The following ZFPM1 variants were observed in gnomAD, a reference collection of about 807,000 sequenced individuals.
The protein encoded by ZFPM1 is zinc finger protein, FOG family member 1, also known as zinc finger protein ZFPM1.
In ZFPM1, 28 loss-of-function variants were observed where a neutral mutation model predicts 46.3. That is an observed-to-expected ratio of 0.60 (90% CI 0.45 to 0.83). The LOEUF (loss-of-function observed/expected upper bound fraction) is 0.83, where lower values mean the gene tolerates loss of function less well. Among genes scored for constraint, ZFPM1 ranks in the 40% least tolerant of loss-of-function variants. ZFPM1 has a pLI of 0.00. For missense variants in ZFPM1, 1,878 were observed against 1,432.4 expected (o/e 1.31, Z -5.02); for synonymous variants, 957 against 675.9 (o/e 1.42, Z -6.45).
Position 88,534,312 on chromosome 16 carries a change from G to C in ZFPM1, c.2354G>C (p.Arg785Pro). Residue 785 changes from arginine (R) to proline (P), a missense_variant, in exon 10 of 10, where the codon CGC (arginine) becomes CCC (proline). Coordinates refer to ENST00000319555, the MANE Select transcript of ZFPM1 (RefSeq NM_153813.3). ...SGSGPGLAPA[R>P]SPGPAADGPI... is the part of the protein sequence containing the mutation. The stretch of plus-strand genomic sequence containing the variant: ...AGCGGCCCCGGCCTCGCCCCTGCGC[G>C]CTCGCCCGGCCCCGCGGCCGACGGC... 1 of 1,309,050 alleles carries C rather than the reference G, an allele frequency of 7.6e-7. No homozygotes were observed. The highest frequency in any genetic ancestry group is 9.7e-7 in the Non-Finnish European group (1 of 1,030,462). The allele number at this position is 1,309,050 out of a possible 1,614,324, so 81.1% of individuals were successfully genotyped here.
At position 88,532,165 on chromosome 16, in the gene ZFPM1, C is replaced by T. The variant is rs1424808978; in HGVS notation, c.876C>T (p.Cys292=). The change falls in exon 7 of 10, where the codon TGC becomes TGT. Residue 292 remains cysteine, a synonymous_variant. Transcript: ENST00000319555. ...PKETYPNERV[C]PFPQCRKSCP... The stretch of plus-strand genomic sequence containing the variant: ...AGACCTACCCCAACGAGCGCGTCTG[C>T]CCCTTCCCCCAGTGCCGCAAGAGCT... 2.5e-6 allele frequency: 4 copies of T among 1,612,244 alleles called. No individual in the cohort carries two copies. In the South Asian group the frequency reaches 3.3e-5, roughly 13 times the overall value.
At chr16:88,517,895 G>A (rs1401883424) in intron 4 of ZFPM1, among the ~76,000 whole-genome samples, 1 of 151,974 alleles carries the variant, frequency 6.6e-6, no homozygotes, top group Non-Finnish European at 1.5e-5. Flanking sequence ...ATAGATGAAT[G>A]GATGGATAGG....
rs149231883 is a variant in ZFPM1, at chr16:88,487,866, C to T, written c.146-1165C>T. On this transcript the variant is annotated intron_variant, in intron 2 of 9. Coordinates refer to ENST00000319555, the MANE Select transcript of ZFPM1 (RefSeq NM_153813.3). The stretch of plus-strand genomic sequence containing the variant: ...ACCCAGGGACATCCCAGCCCCAGGA[C>T]GGCCAGGCCAGGTGCAGGCGTCCAG... Among the ~76,000 whole-genome samples the T allele has an allele frequency of 1.0e-3, 159 of 152,314 alleles. 1 individual carries two copies. Among genetic ancestry groups the T allele is most frequent in the African/African-American group, 3.7e-3 (152 of 41,568 alleles).
intron 1 of ZFPM1, among the ~76,000 whole-genome samples, chr16:88,460,000 C>T (rs1329274127): frequency 6.6e-6 from 1 of 151,634 alleles, no homozygotes; most frequent in Non-Finnish European, 1.5e-5. Context: ...CAGGTCAGGG[C>T]AGCCCCTGAC....
At chr16:88,524,137 C>G (rs1912127868) in intron 4 of ZFPM1, among the ~76,000 whole-genome samples, 1 of 152,184 alleles carries the variant, frequency 6.6e-6, no homozygotes, top group African/African-American at 2.4e-5. Flanking sequence ...ACCGCAGCAC[C>G]CATCGGAGGA....
chr16:88,532,182 G>A lies in ZFPM1; in HGVS notation c.893G>A (p.Arg298His), dbSNP rs151065815. The A allele has an allele frequency of 3.8e-5, 61 of 1,611,002 alleles. No individual in the cohort carries two copies. The highest frequency in any genetic ancestry group is 2.7e-5 in the Non-Finnish European group (32 of 1,178,746). The part of the protein sequence containing the change: ...NERVCPFPQC[R>H]KSCPSASSLE... ...CGCGTCTGCCCCTTCCCCCAGTGCC[G>A]CAAGAGCTGCCCCAGCGCCAGCTCC... The change falls in exon 7 of 10, where the codon CGC becomes CAC. Residue 298 changes from arginine to histidine, a missense_variant. By Grantham distance (29) the Arg-to-His change is conservative. Transcript: ENST00000319555.
chr16:88,532,467 C>CGGAGGAGGA lies in ZFPM1; in HGVS notation c.947-138_947-130dup, dbSNP rs147824507. 4 of 870,674 alleles carry CGGAGGAGGA rather than the reference C, an allele frequency of 4.6e-6. No homozygotes were observed. The African/African-American group carries it at 5.1e-5, about 11-fold the overall frequency. 53.9% of individuals were successfully genotyped at this position (870,674 alleles called of 1,614,324 possible). A position where few individuals can be genotyped will look rare whatever the true frequency, so the allele number is the denominator to read the frequency against. On this transcript the variant is annotated intron_variant, in intron 7 of 9. Coordinates refer to ENST00000319555, the MANE Select transcript of ZFPM1 (RefSeq NM_153813.3). ...CACTGCTGTCCCGAGAGACAAAAGG[C>CGGAGGAGGA]GGAGGAGGAGGAGGAGGGGTTTAAA...
chr16:88,527,516 C>T (rs576885416), intron 5 of ZFPM1, among the ~76,000 whole-genome samples: 43 of 152,136 alleles, frequency 2.8e-4, no homozygotes, highest in Admixed American at 9.2e-4. Flanking sequence ...GGCTGTGGTG[C>T]GCGTGAGCGG....
chr16:88,534,798 C>T lies in ZFPM1; in HGVS notation c.2840C>T (p.Pro947Leu). 2.2e-6 allele frequency: 3 copies of T among 1,377,048 alleles called. No individual in the cohort carries two copies. The highest frequency in any genetic ancestry group is 1.9e-6 in the Non-Finnish European group (2 of 1,060,660). 85.3% of individuals were successfully genotyped at this position (1,377,048 alleles called of 1,614,324 possible). ...AAAPEAVPPP[P>L]APPSYSDKGV... ...GCGCCCGAGGCCGTGCCGCCCCCGC[C>T]GGCGCCCCCCTCCTACTCGGACAAG... Residue 947 changes from proline to leucine, a missense_variant, in exon 10 of 10, where the codon CCG (proline) becomes CTG (leucine). Pro to Leu is a moderately conservative substitution (Grantham distance 98). Transcript: ENST00000319555.
chr16:88,520,645 ATGGG>A (rs1911785945), intron 4 of ZFPM1, among the ~76,000 whole-genome samples: 1 of 84,110 alleles, frequency 1.2e-5, no homozygotes, highest in Non-Finnish European at 2.3e-5. Flanking sequence ...GGATAGATGG[ATGGG>A]TGGATGGATG....
upstream of ZFPM1, among the ~76,000 whole-genome samples, chr16:88,452,710 G>A (rs1907329270): frequency 6.6e-6 from 1 of 152,268 alleles, no homozygotes; most frequent in Non-Finnish European, 1.5e-5. Context: ...GAGCCCAGGG[G>A]TCTAGGGAGG....
intron 3 of ZFPM1, among the ~76,000 whole-genome samples, chr16:88,490,471 C>A (rs1440588603): frequency 6.6e-6 from 1 of 152,216 alleles, no homozygotes; most frequent in Non-Finnish European, 1.5e-5. Flanking sequence ...AGAGAAGATG[C>A]ATGGTGAGGC....
chr16:88,509,373 C>A lies in ZFPM1; in HGVS notation c.269-5014C>A, dbSNP rs368542289. Among the ~76,000 whole-genome samples the A allele has an allele frequency of 1.6e-4, 24 of 152,374 alleles. No individual in the cohort carries two copies. The East Asian group carries it at 4.6e-3, about 29-fold the overall frequency. On this transcript the variant is annotated intron_variant, in intron 3 of 9. Coordinates refer to ENST00000319555, the MANE Select transcript of ZFPM1 (RefSeq NM_153813.3). ...ATTAGATAAGTGGGTGCTGGGGTGA[C>A]CCCACGGTGGGCACCAACCACAGAG...
rs977013744 is a variant in ZFPM1 at position 88,536,234 on chromosome 16, C to G, written c.*1255C>G. ...TTCCCCAGGCTGAAGTTCAGTGGCA[C>G]GATCATAAGTCACTGCAGCCTCAAA... On this transcript the variant is annotated 3_prime_UTR_variant, in exon 10 of 10. Transcript: ENST00000319555. The G allele has an allele frequency of 6.6e-6, 1 of 152,160 alleles. No individual in the cohort carries two copies. Among genetic ancestry groups the G allele is most frequent in the African/African-American group, 2.4e-5 (1 of 41,422 alleles). 9.4% of individuals were successfully genotyped at this position (152,160 alleles called of 1,614,324 possible). A position where few individuals can be genotyped will look rare whatever the true frequency, so the allele number is the denominator to read the frequency against.
At chr16:88,520,279 G>C (rs368086903) in intron 4 of ZFPM1, among the ~76,000 whole-genome samples, 109 of 151,564 alleles carry the variant, frequency 7.2e-4, no homozygotes, top group African/African-American at 2.5e-3. Flanking sequence ...TGGATGGATG[G>C]ATAGATAGGT....
In ZFPM1 at chr16:88,536,200, C is replaced by T. The variant is rs1414296193; in HGVS notation, c.*1221C>T. 6.6e-6 allele frequency: 1 copy of T among 152,102 alleles called. No individual in the cohort carries two copies. 9.4% of individuals were successfully genotyped at this position (152,102 alleles called of 1,614,324 possible). A position where few individuals can be genotyped will look rare whatever the true frequency, so the allele number is the denominator to read the frequency against. ...ACCCTATATTTTTTAGAGCTAAGGT[C>T]TTGTTCGGTTCCCCAGGCTGAAGTT... On this transcript the variant is annotated 3_prime_UTR_variant, in exon 10 of 10. Coordinates refer to ENST00000319555, the MANE Select transcript of ZFPM1 (RefSeq NM_153813.3).
chr16:88,464,964 A>G (rs1229039342), intron 1 of ZFPM1, among the ~76,000 whole-genome samples: 1 of 152,016 alleles, frequency 6.6e-6, no homozygotes, highest in Non-Finnish European at 1.5e-5. Flanking sequence ...TTCTGACTTC[A>G]TAGCTCACTG....
intron 4 of ZFPM1, among the ~76,000 whole-genome samples, chr16:88,517,716 G>A (rs1911435420): frequency 1.3e-5 from 2 of 149,730 alleles, no homozygotes; most frequent in African/African-American, 5.0e-5. Flanking sequence ...ATGAGTGGGT[G>A]GGTGGATAGA....
At chr16:88,511,248 T>A (rs1910943975) in intron 3 of ZFPM1, among the ~76,000 whole-genome samples, 1 of 152,140 alleles carries the variant, frequency 6.6e-6, no homozygotes, top group South Asian at 2.1e-4. Context: ...GGCATGCCTG[T>A]TGCTGCCCCA....
Sources: gnomAD v4.1 joint callset for allele counts (sites outside exome capture counted in the v4.1 genomes callset) on GRCh38, gnomAD v4.1.1 for gene constraint, MANE v1.5 for transcripts, NCBI Gene and HGNC (gene_info 2026-07-23, HGNC 2026-07-21) for gene names.